MYOM1: variants seen among roughly 807,000 people sequenced by gnomAD.
The protein encoded by MYOM1 is myomesin 1.
A neutral mutation model predicts 205.3 loss-of-function variants in MYOM1; 164 were observed. The observed-to-expected ratio is 0.80, with a 90% CI of 0.70 to 0.91. The LOEUF is 0.91. Ranked by LOEUF, MYOM1 falls within the 40% of genes least tolerant of loss-of-function variation. The probability of loss-of-function intolerance (pLI) is 0.00; values close to 1 mark genes in which losing one functional copy is unlikely to be tolerated. For missense variants in MYOM1, 2,011 were observed against 2,127.3 expected (o/e 0.95, Z 1.08); for synonymous variants, 772 against 789.4 (o/e 0.98, Z 0.37).
Position 3,135,462 on chromosome 18 carries a change from AT to A in MYOM1, c.2209+84del. 1.6e-6 allele frequency: 2 copies of A among 1,263,680 alleles called. No homozygotes were observed. The highest frequency in any genetic ancestry group is 2.1e-6 in the Non-Finnish European group (2 of 930,362). 78.3% of individuals were successfully genotyped at this position (1,263,680 alleles called of 1,614,324 possible). A position where few individuals can be genotyped will look rare whatever the true frequency, so the allele number is the denominator to read the frequency against. On this transcript the variant is annotated intron_variant, in intron 15 of 37. Transcript: ENST00000356443. The surrounding 1 kb of genome is among the most constrained non-coding windows in gnomAD (Gnocchi z 4.1). ...TATAATATGAAAGAAGGATGTCACC[AT>A]TTTTACTCCTGGCCAAATATACATA...
chr18:3,087,485 G>GT (rs1567898303), intron 29 of MYOM1, among the ~76,000 whole-genome samples: 6 of 141,418 alleles, frequency 4.2e-5, no homozygotes, highest in African/African-American at 1.6e-4. Flanking sequence ...TTCCTCCTAC[G>GT]TTCTTTTTTT....
At chr18:3,097,128 T>A (rs2079315749) in intron 25 of MYOM1, among the ~76,000 whole-genome samples, 1 of 152,162 alleles carries the variant, frequency 6.6e-6, no homozygotes, top group East Asian at 1.9e-4. Context: ...TTTATTACAT[T>A]CTCTAAGAAA....
In MYOM1 at chr18:3,219,319, C is replaced by T. The variant is rs1487737169; in HGVS notation, c.-29+484G>A. Among the ~76,000 whole-genome samples the T allele has an allele frequency of 1.3e-5, 2 of 152,062 alleles. No individual in the cohort carries two copies. Among genetic ancestry groups the T allele is most frequent in the Non-Finnish European group, 2.9e-5 (2 of 68,016 alleles). Reference sequence around the variant, plus strand: ...GAGGCCATATCATTGTGCGCGCTCACATTTATCCACATTGCATCGTCACAG... The same window carrying T: ...GAGGCCATATCATTGTGCGCGCTCATATTTATCCACATTGCATCGTCACAG... On this transcript the variant is annotated intron_variant, in intron 1 of 37. Coordinates refer to ENST00000356443, the MANE Select transcript of MYOM1 (RefSeq NM_003803.4). This position sits in a 1 kb window ranked among gnomAD's most constrained non-coding sequence, Gnocchi z 4.4.
intron 37 of MYOM1, among the ~76,000 whole-genome samples, chr18:3,071,323 C>T (rs1053473621): frequency 1.3e-5 from 2 of 152,102 alleles, no homozygotes. Context: ...ACTTTTATGC[C>T]GATGCTTGAC....
chr18:3,105,261 TAAC>T (rs2079437679), intron 22 of MYOM1, among the ~76,000 whole-genome samples: 1 of 152,164 alleles, frequency 6.6e-6, no homozygotes, highest in Admixed American at 6.5e-5. Flanking sequence ...CTCCACCCCA[TAAC>T]AACATTGCTG....
chr18:3,100,266 A>G (rs2079359041), intron 24 of MYOM1, 54 bp downstream of exon 24: 24 of 1,612,854 alleles, frequency 1.5e-5, no homozygotes, highest in Non-Finnish European at 2.0e-5. Flanking sequence ...ACTTAAGAAT[A>G]ACTGAGAATT....
chr18:3,189,370 T>C lies in MYOM1; in HGVS notation c.432-283A>G, dbSNP rs2080873547. ...AACCCTATGAGATAAACTTTTTTTT[T>C]TTTTTTGATATGGAGTCTCGCTCTT... On this transcript the variant is annotated intron_variant, in intron 3 of 37. Transcript: ENST00000356443. This position sits in a 1 kb window ranked among gnomAD's most constrained non-coding sequence, Gnocchi z 4.8. 6.6e-6 allele frequency among the ~76,000 whole-genome samples: 1 copy of C among 151,876 alleles called. No homozygotes were observed. Among genetic ancestry groups the C allele is most frequent in the African/African-American group, 2.4e-5 (1 of 41,354 alleles).
the MYOM1 span, among the ~76,000 whole-genome samples, chr18:3,233,597 C>T: frequency 1.3e-5 from 2 of 152,164 alleles, no homozygotes; most frequent in Admixed American, 6.5e-5. Flanking sequence ...GCACTGCCAG[C>T]CCACAGCTTT....
intron 21 of MYOM1, among the ~76,000 whole-genome samples, chr18:3,112,797 TC>T (rs1055254694): frequency 6.6e-6 from 1 of 152,162 alleles, no homozygotes; most frequent in African/African-American, 2.4e-5. Flanking sequence ...ATGTCGCTTT[TC>T]CCCCCAATCC....
the MYOM1 span, chr18:3,246,229 A>AACAAGCAC: frequency 6.6e-6 from 1 of 152,220 alleles, no homozygotes; most frequent in Non-Finnish European, 1.5e-5. Flanking sequence ...GTGTCCATGC[A>AACAAGCAC]TTGCAAGTGC....
intron 29 of MYOM1, 84 bp downstream of exon 29, chr18:3,089,090 A>G (rs897651463): frequency 1.1e-6 from 1 of 884,992 alleles, no homozygotes; most frequent in Non-Finnish European, 1.8e-6. Context: ...CTCAGATGGA[A>G]GAGATGAAAA....
rs2079121536 is a variant in MYOM1, at chr18:3,084,034, A to G, written c.4340-7T>C. 3.2e-6 allele frequency: 5 copies of G among 1,574,270 alleles called. No individual in the cohort carries two copies. Among genetic ancestry groups the G allele is most frequent in the South Asian group, 1.2e-5 (1 of 85,864 alleles). On this transcript the variant is annotated splice_region_variant and splice_polypyrimidine_tract_variant and intron_variant, in intron 31 of 37. Coordinates refer to ENST00000356443, the MANE Select transcript of MYOM1 (RefSeq NM_003803.4). ...ATCATCAGTTCCTTAAAGGCTGTGG[A>G]GAGAGATTCAGAGCCAAAACTTTAG...
intron 13 of MYOM1, among the ~76,000 whole-genome samples, chr18:3,147,076 A>C (rs2080135421): frequency 7.0e-6 from 1 of 143,232 alleles, no homozygotes. Context: ...TATATCTTAT[A>C]TATAAATATT....
chr18:3,100,148 TG>T lies in MYOM1; in HGVS notation c.3727+10del. 3.7e-6 allele frequency: 6 copies of T among 1,613,722 alleles called. No homozygotes were observed. Among genetic ancestry groups the T allele is most frequent in the Non-Finnish European group, 5.1e-6 (6 of 1,179,860 alleles). On this transcript the variant is annotated intron_variant, in intron 25 of 37. Coordinates refer to ENST00000356443, the MANE Select transcript of MYOM1 (RefSeq NM_003803.4). ...CTGCTAAAAACCTGTGAATGTATTGTGGATACTTACTTGGGAACTTGTGTTC... is the reference window on the plus strand; with the variant it reads ...CTGCTAAAAACCTGTGAATGTATTGTGATACTTACTTGGGAACTTGTGTTC...
chr18:3,139,589 C>T (rs576284007), intron 14 of MYOM1, among the ~76,000 whole-genome samples: 5 of 152,314 alleles, frequency 3.3e-5, no homozygotes, highest in African/African-American at 1.2e-4. Context: ...CATATCAGAA[C>T]AGCTACATCA....
At chr18:3,136,009 G>A (rs1192778085) in intron 14 of MYOM1, among the ~76,000 whole-genome samples, 2 of 152,172 alleles carry the variant, frequency 1.3e-5, no homozygotes, top group African/African-American at 4.8e-5. Flanking sequence ...GGACCTGGTG[G>A]GAGATAATTG....
At chr18:3,121,479 C>T (rs2079690968) in intron 19 of MYOM1, among the ~76,000 whole-genome samples, 1 of 152,172 alleles carries the variant, frequency 6.6e-6, no homozygotes, top group Admixed American at 6.5e-5. Context: ...GGTGCAATTA[C>T]ATCTTCAAAG....
rs754703047 is a variant in MYOM1 at position 3,135,768 on chromosome 18, A to G, written c.2026-38T>C. On this transcript the variant is annotated intron_variant, in intron 14 of 37. Transcript: ENST00000356443. The surrounding 1 kb of genome is among the most constrained non-coding windows in gnomAD (Gnocchi z 4.1). ...CAGGGAAACCCATTGAAAGCACAGC[A>G]AACACAAGCGAGAATCCAGGCCAGG... 4 of 1,609,506 alleles carry G rather than the reference A, an allele frequency of 2.5e-6. No individual in the cohort carries two copies. The African/African-American group carries it at 5.3e-5, about 22-fold the overall frequency.
chr18:3,072,350 C>CTTTTTGTTTTT (rs2078968738), intron 36 of MYOM1, among the ~76,000 whole-genome samples: 1 of 56,226 alleles, frequency 1.8e-5, no homozygotes, highest in Non-Finnish European at 3.1e-5. Flanking sequence ...CCGCACCCGG[C>CTTTTTGTTTTT]TTTTTTTTTT....
Sources: allele counts gnomAD v4.1 joint callset (sites outside exome capture counted in the v4.1 genomes callset), GRCh38; gene constraint gnomAD v4.1.1; non-coding constraint Gnocchi (gnomAD v3.1); transcripts MANE v1.5; gene names NCBI Gene and HGNC (gene_info 2026-07-23, HGNC 2026-07-21).